The following SLC41A2 variants were observed in gnomAD, a reference collection of about 807,000 sequenced individuals.
SLC41A2 encodes the protein SLC41A1-like 1.
SLC41A2 carries 32 observed loss-of-function variants against 58.3 expected under a neutral mutation model. That is an observed-to-expected ratio of 0.55 (90% confidence interval 0.41 to 0.74). SLC41A2 has a LOEUF of 0.74. Among genes scored for constraint, SLC41A2 ranks in the 30% least tolerant of loss-of-function variants. SLC41A2 has a pLI of 0.00. For synonymous variants in SLC41A2, 190 were observed against 235.0 expected, an observed-to-expected ratio of 0.81 and a Z score of 1.75; for missense variants, 514 against 680.6, an observed-to-expected ratio of 0.76 and a Z score of 2.72.
intron 3 of SLC41A2, among the ~76,000 whole-genome samples, chr12:104,901,624 A>C (rs1439595173): frequency 6.6e-6 from 1 of 151,856 alleles, no homozygotes; most frequent in Non-Finnish European, 1.5e-5. Flanking sequence ...ATCTCAGTTC[A>C]CTGCAACCAC....
At chr12:104,941,342 T>G (rs2047506277) in intron 1 of SLC41A2, among the ~76,000 whole-genome samples, 1 of 152,132 alleles carries the variant, frequency 6.6e-6, no homozygotes, top group Admixed American at 6.5e-5. Flanking sequence ...GACTAAACAT[T>G]TGTAAAGCAT....
At chr12:104,815,432 C>A (rs574334812) in intron 10 of SLC41A2, among the ~76,000 whole-genome samples, 4 of 152,022 alleles carry the variant, frequency 2.6e-5, no homozygotes, top group Non-Finnish European at 5.9e-5. Context: ...AAATATATTT[C>A]TTGGAATTTA....
intron 9 of SLC41A2, 74 bp downstream of exon 9, chr12:104,845,769 A>G (rs2042577971): frequency 1.4e-6 from 2 of 1,437,102 alleles, no homozygotes; most frequent in Non-Finnish European, 1.9e-6. Flanking sequence ...CATATTCAAT[A>G]AATGTTGCCT....
intron 7 of SLC41A2, 42 bp downstream of exon 7, chr12:104,866,380 GTACACACACA>G (rs1565854154): frequency 7.2e-7 from 1 of 1,381,712 alleles, no homozygotes; most frequent in South Asian, 1.7e-5. Context: ...ACAGACAGAC[GTACACACACA>G]CACACACACA....
intron 2 of SLC41A2, among the ~76,000 whole-genome samples, chr12:104,913,245 G>A (rs2046162192): frequency 6.6e-6 from 1 of 152,154 alleles, no homozygotes; most frequent in Non-Finnish European, 1.5e-5. Context: ...TTACGGCCAA[G>A]AGGACAGCGT....
chr12:104,845,567 G>A (rs2136335461), intron 9 of SLC41A2, among the ~76,000 whole-genome samples: 1 of 152,082 alleles, frequency 6.6e-6, no homozygotes, highest in Middle Eastern at 3.4e-3. Context: ...AAATCACCTG[G>A]CAATTATTTT....
chr12:104,849,621 C>T (rs527542148), intron 8 of SLC41A2, among the ~76,000 whole-genome samples: 6 of 152,024 alleles, frequency 3.9e-5, no homozygotes, highest in Admixed American at 6.6e-5. Flanking sequence ...TGAGCCTAGG[C>T]GTTTGAAACC....
At chr12:104,897,623 T>C (rs2045357320) in intron 3 of SLC41A2, among the ~76,000 whole-genome samples, 1 of 152,146 alleles carries the variant, frequency 6.6e-6, no homozygotes. Flanking sequence ...ATTAAAACAA[T>C]GTATGACATA....
chr12:104,949,970 G>C (rs1198123205), intron 1 of SLC41A2, among the ~76,000 whole-genome samples: 9 of 152,198 alleles, frequency 5.9e-5, no homozygotes, highest in Admixed American at 5.2e-4. Flanking sequence ...CTTTCAACAA[G>C]GTGAATGGTA....
intron 9 of SLC41A2, among the ~76,000 whole-genome samples, chr12:104,845,046 G>A (rs2042553892): frequency 6.6e-6 from 1 of 152,134 alleles, no homozygotes; most frequent in South Asian, 2.1e-4. Context: ...AGCTTTAGGA[G>A]GCCAAGGTGG....
At chr12:104,826,377 G>A (rs1031657343) in intron 10 of SLC41A2, among the ~76,000 whole-genome samples, 2 of 152,184 alleles carry the variant, frequency 1.3e-5, no homozygotes, top group African/African-American at 4.8e-5. Flanking sequence ...ATACGTGCAG[G>A]CTTTCTATAC....
intron 10 of SLC41A2, among the ~76,000 whole-genome samples, chr12:104,806,785 T>C (rs2040924725): frequency 6.6e-6 from 1 of 152,076 alleles, no homozygotes. Flanking sequence ...TATCTCATTG[T>C]GGTTTTGAAT....
rs1017292856 is a variant in SLC41A2 at position 104,906,582 on chromosome 12, G to C, written c.663+3073C>G. 3.3e-5 allele frequency among the ~76,000 whole-genome samples: 5 copies of C among 152,192 alleles called. No individual in the cohort carries two copies. The South Asian group carries it at 1.0e-3, about 32-fold the overall frequency. ...TCTTGGACTTCCAGGTATTCCTAAGGATATATTTGTCAAGGTACACAGAAA... is the reference window on the plus strand; with the variant it reads ...TCTTGGACTTCCAGGTATTCCTAAGCATATATTTGTCAAGGTACACAGAAA... On this transcript the variant is annotated intron_variant, in intron 3 of 10. Coordinates refer to ENST00000258538, the MANE Select transcript of SLC41A2 (RefSeq NM_001352171.3).
intron 7 of SLC41A2, among the ~76,000 whole-genome samples, chr12:104,862,885 T>C (rs1044971652): frequency 3.0e-4 from 45 of 152,186 alleles, no homozygotes; most frequent in South Asian, 6.2e-4. Context: ...TACTTATCTT[T>C]TGTGGTGAGA....
In SLC41A2 at chr12:104,865,014, ACTCT is replaced by A. The variant is rs569180623; in HGVS notation, c.1175+1414_1175+1417del. 2.7e-3 allele frequency among the ~76,000 whole-genome samples: 409 copies of A among 151,852 alleles called. 2 individuals are homozygous for A. Among genetic ancestry groups the A allele is most frequent in the African/African-American group, 9.1e-3 (375 of 41,404 alleles). ...AGGGGCACTGCAAGGCATACTTGGA[ACTCT>A]CTGTGTACATGGGCAGAGTTTGTCA... On this transcript the variant is annotated intron_variant, in intron 7 of 10. Transcript: ENST00000258538.
intron 3 of SLC41A2, among the ~76,000 whole-genome samples, chr12:104,899,635 T>A (rs2045463060): frequency 6.6e-6 from 1 of 152,168 alleles, no homozygotes; most frequent in African/African-American, 2.4e-5. Context: ...TGAGCACAAT[T>A]TATGCTCAGA....
At chr12:104,884,299 G>A (rs1593068587) in intron 6 of SLC41A2, among the ~76,000 whole-genome samples, 1 of 152,098 alleles carries the variant, frequency 6.6e-6, no homozygotes, top group Admixed American at 6.6e-5. Flanking sequence ...GCGCTTCCCT[G>A]GTGAGGCAGT....
In SLC41A2 at chr12:104,853,911, A is replaced by ATTATTATTATTATTTTTTT; in HGVS notation, c.1255+7379_1255+7380insAAAAAAATAATAATAATAA. On this transcript the variant is annotated intron_variant, in intron 8 of 10. Coordinates refer to ENST00000258538, the MANE Select transcript of SLC41A2 (RefSeq NM_001352171.3). ...GGGTGCATGTCACCATGCCTGGCTG[A>ATTATTATTATTATTTTTTT]TTTTTTTTTTTTTTTTTTTTTTTTT... 2.7e-3 allele frequency among the ~76,000 whole-genome samples: 160 copies of ATTATTATTATTATTTTTTT among 59,480 alleles called. 6 individuals are homozygous for ATTATTATTATTATTTTTTT. Among genetic ancestry groups the ATTATTATTATTATTTTTTT allele is most frequent in the African/African-American group, 6.4e-3 (92 of 14,472 alleles). 39.0% of individuals were successfully genotyped at this position (59,480 alleles called of 152,430 possible).
chr12:104,903,392 T>A (rs1485972402), intron 3 of SLC41A2, among the ~76,000 whole-genome samples: 3 of 152,206 alleles, frequency 2.0e-5, no homozygotes, highest in African/African-American at 7.2e-5. Flanking sequence ...TTGTCCCCCC[T>A]CACTCACTCG....
Sources: gnomAD v4.1 joint callset for allele counts (sites outside exome capture counted in the v4.1 genomes callset) on GRCh38, gnomAD v4.1.1 for gene constraint, MANE v1.5 for transcripts, NCBI Gene and HGNC (gene_info 2026-07-23, HGNC 2026-07-21) for gene names.